The following OVCH1 variants were observed in gnomAD, a reference collection of about 807,000 sequenced individuals.
OVCH1 encodes the protein ovochymase 1, also known as ovochymase-1.
A neutral mutation model predicts 138.4 loss-of-function variants in OVCH1; 139 were observed. That is an observed-to-expected ratio of 1.00 (90% confidence interval 0.87 to 1.16). The LOEUF (loss-of-function observed/expected upper bound fraction) is 1.16. Ranked by LOEUF, OVCH1 falls within the 50% of genes most tolerant of loss-of-function variation. The probability of loss-of-function intolerance (pLI) is 0.00; values close to 1 mark genes in which losing one functional copy is unlikely to be tolerated. For synonymous variants in OVCH1, 453 were observed against 467.8 expected (o/e 0.97, Z 0.41); for missense variants, 1,367 against 1,357.9 (o/e 1.01, Z -0.11).
intron 19 of OVCH1, among the ~76,000 whole-genome samples, chr12:29,458,643 A>G (rs1394672035): frequency 6.6e-6 from 1 of 152,208 alleles, no homozygotes; most frequent in Non-Finnish European, 1.5e-5. Context: ...AAATGGACAC[A>G]TAAGATCATA....
At chr12:29,495,351 A>G in exon 4 of OVCH1, 1 of 1,613,304 alleles carries the variant, frequency 6.2e-7, no homozygotes, top group Non-Finnish European at 8.5e-7. Context: ...CGGCTGTTGT[A>G]TTCAGGATGG....
chr12:29,437,113 C>T (rs1156495768), intron 26 of OVCH1, among the ~76,000 whole-genome samples: 2 of 152,000 alleles, frequency 1.3e-5, no homozygotes, highest in Admixed American at 6.6e-5. Flanking sequence ...CTCATTGGTG[C>T]GTTTACAAAC....
chr12:29,432,741 TG>T (rs1941291877), intron 27 of OVCH1, among the ~76,000 whole-genome samples: 1 of 152,276 alleles, frequency 6.6e-6, no homozygotes, highest in Admixed American at 6.5e-5. Flanking sequence ...AGTCAAAGAC[TG>T]GGTCCTGGGA....
intron 26 of OVCH1, among the ~76,000 whole-genome samples, chr12:29,434,700 A>C (rs2135906340): frequency 7.7e-6 from 1 of 130,178 alleles, no homozygotes; most frequent in South Asian, 2.5e-4. Flanking sequence ...CACATAATTT[A>C]CCTTGTCCCC....
At chr12:29,421,930 T>C (rs1332715019) in intron 3 of OVCH1, among the ~76,000 whole-genome samples, 1 of 152,142 alleles carries the variant, frequency 6.6e-6, no homozygotes, top group East Asian at 1.9e-4. Flanking sequence ...TTCAATATTA[T>C]GTTAAAACTC....
chr12:29,495,302 T>C, exon 4 of OVCH1: 1 of 1,610,230 alleles, frequency 6.2e-7, no homozygotes, highest in South Asian at 1.1e-5. Flanking sequence ...GACTTTGTGT[T>C]TTAGATACAG....
chr12:29,423,125 A>G (rs553324241), downstream of OVCH1: 1 of 425,096 alleles, frequency 2.4e-6, no homozygotes, highest in Non-Finnish European at 4.7e-6. Context: ...GCAATTACTT[A>G]CCACTGATAG....
downstream of OVCH1, among the ~76,000 whole-genome samples, chr12:29,422,664 G>T (rs1171077648): frequency 6.6e-6 from 1 of 152,148 alleles, no homozygotes; most frequent in Non-Finnish European, 1.5e-5. Context: ...TGAAATTATG[G>T]CTTAAAAGTA....
intron 21 of OVCH1, among the ~76,000 whole-genome samples, chr12:29,452,949 A>C (rs1162486960): frequency 2.6e-5 from 4 of 152,172 alleles, no homozygotes; most frequent in Non-Finnish European, 5.9e-5. Flanking sequence ...CCATTTCTGA[A>C]CATATTTAAA....
chr12:29,480,591 A>G (rs1942898294), intron 8 of OVCH1, among the ~76,000 whole-genome samples: 2 of 152,330 alleles, frequency 1.3e-5, no homozygotes, highest in African/African-American at 4.8e-5. Context: ...TATTAATTCA[A>G]ATAATCTATG....
intron 4 of OVCH1, among the ~76,000 whole-genome samples, chr12:29,494,097 C>T (rs10843435): frequency 0.36 from 54,080 of 152,042 alleles, 10,621 homozygotes; most frequent in East Asian, 0.63. Flanking sequence ...ACCCTCTGTC[C>T]AGAGCCAAGG....
At position 29,477,564 on chromosome 12, in the gene OVCH1, TGA is replaced by T. The variant is rs1308687356; in HGVS notation, c.1082_1083del (p.Leu361HisfsTer26). 3.1e-6 allele frequency: 5 copies of T among 1,613,728 alleles called. No homozygotes were observed. Among genetic ancestry groups the T allele is most frequent in the African/African-American group, 2.7e-5 (2 of 74,950 alleles). The stretch of plus-strand genomic sequence containing the variant: ...TTGTTTTGTTTTCCATCGTCTTCCA[TGA>T]GAGATCTCTGATCTAAACACACTAA... On this transcript the variant is annotated frameshift_variant, in exon 10 of 28. Transcript: ENST00000318184. LOFTEE classifies it high-confidence loss of function.
chr12:29,461,755 G>A (rs183431220), intron 19 of OVCH1, 99 bp downstream of exon 19: 3 of 1,436,692 alleles, frequency 2.1e-6, no homozygotes, highest in Non-Finnish European at 2.9e-6. Flanking sequence ...TGAAGCACGT[G>A]ACAAGTTGGT....
rs370536510 is a variant in OVCH1, at chr12:29,472,020, A to G, written c.1676-38T>C. On this transcript the variant is annotated intron_variant, in intron 15 of 27. Coordinates refer to ENST00000318184, the Ensembl canonical transcript of OVCH1. Reference sequence around the variant, plus strand: ...TGAAACCAATGACCCATAAGGTTGCAGTAATTTAGAACATACTCCTCCAAT... The same window carrying G: ...TGAAACCAATGACCCATAAGGTTGCGGTAATTTAGAACATACTCCTCCAAT... 3.2e-6 allele frequency: 5 copies of G among 1,557,904 alleles called. No individual in the cohort carries two copies. The East Asian group carries it at 9.2e-5, about 29-fold the overall frequency.
intron 4 of OVCH1, 81 bp from the exon 5 acceptor site, chr12:29,491,273 TCATGGCTTCTA>T: frequency 4.2e-6 from 5 of 1,181,678 alleles, no homozygotes; most frequent in Non-Finnish European, 4.9e-6. Context: ...TCTCTTGATT[TCATGGCTTCTA>T]CACTTTCTTC....
At chr12:29,455,840 A>T (rs1469218413) in intron 19 of OVCH1, among the ~76,000 whole-genome samples, 1 of 152,070 alleles carries the variant, frequency 6.6e-6, no homozygotes, top group Non-Finnish European at 1.5e-5. Flanking sequence ...CTTTTTTTAA[A>T]TTTTTTTAAG....
In OVCH1 at chr12:29,431,786, A is replaced by C. The variant is rs149291461; in HGVS notation, c.3327+1965T>G. Among the ~76,000 whole-genome samples the C allele has an allele frequency of 4.7e-3, 719 of 152,332 alleles. 6 individuals are homozygous for C. Among genetic ancestry groups the C allele is most frequent in the African/African-American group, 0.016 (684 of 41,578 alleles). On this transcript the variant is annotated intron_variant, in intron 27 of 27. Transcript: ENST00000318184. ...CTTCTGTCACGAAAAACATGTCTACATTAAAGGTTTTCTATGTTTATCTGA... is the reference window on the plus strand; with the variant it reads ...CTTCTGTCACGAAAAACATGTCTACCTTAAAGGTTTTCTATGTTTATCTGA...
Position 29,477,335 on chromosome 12 carries a change from A to G in OVCH1, c.1246+6T>C, listed in dbSNP as rs367616259. ...TGGCAAGGAATTAAATACCTGAAAC[A>G]CTCACCTGCTTCTGACTTCTGTACA... On this transcript the variant is annotated splice_donor_region_variant and intron_variant, in intron 11 of 27. Coordinates refer to ENST00000318184, the Ensembl canonical transcript of OVCH1. 2.2e-5 allele frequency: 35 copies of G among 1,613,822 alleles called. No individual in the cohort carries two copies. The East Asian group carries it at 5.3e-4, about 25-fold the overall frequency.
rs141613095 is a variant in OVCH1 at position 29,496,692 on chromosome 12, T to G, written c.65-18A>C. 2,304 of 1,561,166 alleles carry G rather than the reference T, an allele frequency of 1.5e-3. 24 individuals are homozygous for G. Among genetic ancestry groups the G allele is most frequent in the South Asian group, 0.014 (1,241 of 88,018 alleles). ...CTTCAGTCCTGTGTAGAAGAGCATG[T>G]GTGTGTGCACACACAGAGCCTTATG... On this transcript the variant is annotated intron_variant, in intron 1 of 27. Transcript: ENST00000318184.
Sources: allele counts gnomAD v4.1 joint callset (sites outside exome capture counted in the v4.1 genomes callset), GRCh38; gene constraint gnomAD v4.1.1; transcripts MANE v1.5; gene names NCBI Gene and HGNC (gene_info 2026-07-23, HGNC 2026-07-21).